Variants in CPHXL observed in about 807,000 individuals in gnomAD.
The protein encoded by CPHXL is cytoplasmic polyadenylated homeobox like, also known as cytoplasmic polyadenylated homeobox-like protein.
At chr16:75,716,166 G>C (rs2151838341) in intron 2 of CPHXL, among the ~76,000 whole-genome samples, 2 of 152,216 alleles carry the variant, frequency 1.3e-5, no homozygotes, top group Middle Eastern at 6.8e-3. Flanking sequence ...ACAATCAACA[G>C]AGAAAGGCTT....
In CPHXL at chr16:75,714,588, C is replaced by A; in HGVS notation, c.854G>T (p.Gly285Val). Residue 285 changes from glycine to valine, a missense_variant, in exon 3 of 3, where the codon GGT becomes GTT. Coordinates refer to ENST00000640559, the MANE Select transcript of CPHXL (RefSeq NM_001355613.1). ...ASPFLLDYAQ[G>V]AYGVKKDHCL... ...ATGGTCTTTCTTCACCCCATATGCA[C>A]CTTGAGCGTAATCCAAAAGGAAAGG... The A allele has an allele frequency of 2.5e-6, 1 of 398,624 alleles. No individual in the cohort carries two copies. Among genetic ancestry groups the A allele is most frequent in the Non-Finnish European group, 4.4e-6 (1 of 226,080 alleles). 24.7% of individuals were successfully genotyped at this position (398,624 alleles called of 1,614,324 possible).
chr16:75,716,467 T>C (rs1200004767), intron 2 of CPHXL, among the ~76,000 whole-genome samples: 1 of 152,164 alleles, frequency 6.6e-6, no homozygotes, highest in Non-Finnish European at 1.5e-5. Context: ...ACACTTAGGT[T>C]TACCAGTTGA....
chr16:75,716,779 C>T (rs1196010376), intron 2 of CPHXL, among the ~76,000 whole-genome samples: 1 of 152,200 alleles, frequency 6.6e-6, no homozygotes, highest in African/African-American at 2.4e-5. Flanking sequence ...CTGGATCTTT[C>T]CAGCTTTCAT....
At position 75,714,344 on chromosome 16, in the gene CPHXL, C is replaced by A; in HGVS notation, c.1098G>T (p.Leu366Phe). Residue 366 changes from leucine (L) to phenylalanine (F), a missense_variant, in exon 3 of 3, where the codon TTG becomes TTT. Physicochemically the swap from Leu to Phe is conservative, Grantham distance 22 (BLOSUM62 0). Coordinates refer to ENST00000640559, the MANE Select transcript of CPHXL (RefSeq NM_001355613.1). ...SQLPQNNGKP[L>F]CSQLQHMSLQ... is the part of the protein sequence containing the mutation. The stretch of plus-strand genomic sequence containing the variant: ...GAGACATGTGCTGCAGTTGAGAGCA[C>A]AACGGCTTTCCATTATTCTGAGGCA... 2.5e-6 allele frequency: 1 copy of A among 398,596 alleles called. No individual in the cohort carries two copies. The highest frequency in any genetic ancestry group is 4.4e-6 in the Non-Finnish European group (1 of 226,066). 24.7% of individuals were successfully genotyped at this position (398,596 alleles called of 1,614,324 possible).
intron 2 of CPHXL, among the ~76,000 whole-genome samples, chr16:75,715,796 A>C (rs1295775587): frequency 6.6e-6 from 1 of 151,744 alleles, no homozygotes; most frequent in African/African-American, 2.4e-5. Flanking sequence ...TCCTGGATTC[A>C]AGTGATTTTC....
At chr16:75,719,291 G>A (rs537652250) in intron 1 of CPHXL, among the ~76,000 whole-genome samples, 18 of 152,292 alleles carry the variant, frequency 1.2e-4, no homozygotes, top group South Asian at 8.3e-4. Flanking sequence ...AGCATGAGCC[G>A]AAGCAGGGTG....
At chr16:75,717,949 G>T (rs1478004213) in intron 2 of CPHXL, among the ~76,000 whole-genome samples, 1 of 152,160 alleles carries the variant, frequency 6.6e-6, no homozygotes, top group Non-Finnish European at 1.5e-5. Context: ...ACAGCTGGAT[G>T]TGGTGACTCA....
chr16:75,717,149 T>A (rs1365372015), intron 2 of CPHXL, among the ~76,000 whole-genome samples: 1 of 152,198 alleles, frequency 6.6e-6, no homozygotes, highest in African/African-American at 2.4e-5. Flanking sequence ...GTCTCATTAG[T>A]ACCATCCACC....
chr16:75,726,202 A>G (rs1191169950), intron 1 of CPHXL, among the ~76,000 whole-genome samples: 1 of 152,166 alleles, frequency 6.6e-6, no homozygotes, highest in Non-Finnish European at 1.5e-5. Context: ...CTTTAGGTAG[A>G]TGATCCTTGT....
rs559043943 is a variant in CPHXL at position 75,726,297 on chromosome 16, G to T, written c.25+121C>A. 5 of 397,642 alleles carry T rather than the reference G, an allele frequency of 1.3e-5. No homozygotes were observed. The East Asian group carries it at 1.8e-4, about 14-fold the overall frequency. 24.6% of individuals were successfully genotyped at this position (397,642 alleles called of 1,614,324 possible). ...ATGAATGCCCTAACACAATTTACCG[G>T]TGAAAAACAGCTGCTGCTCCAACAA... On this transcript the variant is annotated intron_variant, in intron 1 of 2. Coordinates refer to ENST00000640559, the MANE Select transcript of CPHXL (RefSeq NM_001355613.1).
rs143518045 is a variant in CPHXL, at chr16:75,716,576, C to T, written c.220-1354G>A. 1.8e-4 allele frequency among the ~76,000 whole-genome samples: 27 copies of T among 152,324 alleles called. No homozygotes were observed. In the East Asian group the frequency reaches 5.0e-3, roughly 28 times the overall value. ...TTCCTGCCCTCCCTGGATAAGCCAC[C>T]TCCAGGAACTTCCACACGTTCAAGT... On this transcript the variant is annotated intron_variant, in intron 2 of 2. Transcript: ENST00000640559.
intron 2 of CPHXL, among the ~76,000 whole-genome samples, chr16:75,716,140 CT>C (rs1959388095): frequency 6.6e-6 from 1 of 152,030 alleles, no homozygotes; most frequent in Admixed American, 6.5e-5. Flanking sequence ...CATTTTTCCT[CT>C]GCTCTCACAC....
rs1050245452 is a variant in CPHXL, at chr16:75,714,428, C to T, written c.1014G>A (p.Ser338=). ...MMLQEQLPMD[S]GPWDLGKQWS... ...ACTGCTTCCCTAGATCCCAAGGACC[C>T]GAGTCCATTGGGAGCTGTTCCTGCA... The change falls in exon 3 of 3, where the codon TCG becomes TCA. Residue 338 remains serine (S), a synonymous_variant. Transcript: ENST00000640559. 8 of 398,448 alleles carry T rather than the reference C, an allele frequency of 2.0e-5. No homozygotes were observed. Among genetic ancestry groups the T allele is most frequent in the Admixed American group, 8.8e-5 (2 of 22,712 alleles). The allele number at this position is 398,448 out of a possible 1,614,324, so 24.7% of individuals were successfully genotyped here.
intron 2 of CPHXL, among the ~76,000 whole-genome samples, chr16:75,717,326 A>G (rs553346737): frequency 2.0e-5 from 3 of 152,332 alleles, no homozygotes; most frequent in Non-Finnish European, 4.4e-5. Flanking sequence ...ATGAAATGCT[A>G]TATACTGCTT....
chr16:75,719,731 T>C (rs1354085732), intron 1 of CPHXL, among the ~76,000 whole-genome samples: 2 of 152,198 alleles, frequency 1.3e-5, no homozygotes, highest in East Asian at 3.9e-4. Context: ...TAAATGTCCC[T>C]GTCTGACAGC....
At chr16:75,720,605 A>G (rs1312217076) in intron 1 of CPHXL, among the ~76,000 whole-genome samples, 3 of 152,244 alleles carry the variant, frequency 2.0e-5, no homozygotes, top group Admixed American at 6.5e-5. Flanking sequence ...GGACTATGTG[A>G]AAAGACCAAA....
At position 75,718,311 on chromosome 16, in the gene CPHXL, C is replaced by T; in HGVS notation, c.173G>A (p.Arg58Lys). ...ATCAAATTTGATGGCCAGTGTTTTC[C>T]TAGTTGTGTAATCGGGATAACAGTT... ...GENCYPDYTT[R>K]KTLAIKFDCP... is the part of the protein sequence containing the mutation. Residue 58 changes from arginine to lysine, a missense_variant, in exon 2 of 3, where the codon AGG becomes AAG. Physicochemically the swap from Arg to Lys is conservative, Grantham distance 26 (BLOSUM62 2). Coordinates refer to ENST00000640559, the MANE Select transcript of CPHXL (RefSeq NM_001355613.1). 2.5e-6 allele frequency: 1 copy of T among 398,706 alleles called. No homozygotes were observed. The highest frequency in any genetic ancestry group is 4.4e-6 in the Non-Finnish European group (1 of 226,188). 24.7% of individuals were successfully genotyped at this position (398,706 alleles called of 1,614,324 possible). A position where few individuals can be genotyped will look rare whatever the true frequency, so the allele number is the denominator to read the frequency against.
intron 1 of CPHXL, among the ~76,000 whole-genome samples, chr16:75,722,335 TC>T (rs1195024147): frequency 6.6e-6 from 1 of 151,878 alleles, no homozygotes; most frequent in Non-Finnish European, 1.5e-5. Context: ...TTTGAAAAGA[TC>T]AATAAAATTG....
intron 2 of CPHXL, among the ~76,000 whole-genome samples, chr16:75,715,456 C>T (rs1015090477): frequency 6.6e-6 from 1 of 152,162 alleles, no homozygotes; most frequent in Non-Finnish European, 1.5e-5. Context: ...TCACTGGAGA[C>T]ATTGACACCA....
Sources: gnomAD v4.1 joint callset for allele counts (sites outside exome capture counted in the v4.1 genomes callset) on GRCh38, gnomAD v4.1.1 for gene constraint, MANE v1.5 for transcripts, NCBI Gene and HGNC (gene_info 2026-07-23, HGNC 2026-07-21) for gene names.